Variants in TENM3 observed in about 807,000 individuals in gnomAD.
The protein encoded by TENM3 is teneurin transmembrane protein 3.
In TENM3, 63 loss-of-function variants were observed where a neutral mutation model predicts 255.1. The ratio of observed to expected loss-of-function variants is 0.25; its 90% CI spans 0.20 to 0.30. The LOEUF (loss-of-function observed/expected upper bound fraction) is 0.30. Among genes scored for constraint, TENM3 ranks in the 10% least tolerant of loss-of-function variants. The pLI is 1.00. For synonymous variants in TENM3, 1,306 were observed against 1,322.3 expected (o/e 0.99, Z 0.27); for missense variants, 2,929 against 3,461.1 (o/e 0.85, Z 3.86).
At chr4:182,120,752 A>G in the TENM3 span, among the ~76,000 whole-genome samples, 1 of 152,138 alleles carries the variant, frequency 6.6e-6, no homozygotes, top group African/African-American at 2.4e-5. Flanking sequence ...GAGCAAGTGA[A>G]TAGCCAGTGT....
chr4:181,946,362 G>A, the TENM3 span, among the ~76,000 whole-genome samples: 1 of 151,968 alleles, frequency 6.6e-6, no homozygotes. Flanking sequence ...TTACCTTTTG[G>A]CAACATGCTA....
At position 182,799,152 on chromosome 4, in the gene TENM3, G is replaced by A. The variant is rs1766709804; in HGVS notation, c.7345-444G>A. ...AGCATTTCAAAGCATACGAAGCGGG[G>A]CCCTGTGATCGGCACTAAGTATCCC... On this transcript the variant is annotated intron_variant, in intron 27 of 27. Coordinates refer to ENST00000511685, the MANE Select transcript of TENM3 (RefSeq NM_001080477.4). The surrounding 1 kb of genome is among the most constrained non-coding windows in gnomAD (Gnocchi z 4.2). Among the ~76,000 whole-genome samples the A allele has an allele frequency of 6.6e-6, 1 of 152,146 alleles. No individual in the cohort carries two copies. Among genetic ancestry groups the A allele is most frequent in the African/African-American group, 2.4e-5 (1 of 41,434 alleles).
the TENM3 span, among the ~76,000 whole-genome samples, chr4:181,464,669 A>G: frequency 6.6e-6 from 1 of 151,974 alleles, no homozygotes; most frequent in Admixed American, 6.6e-5. Flanking sequence ...TAGTCCAAGT[A>G]GCCAGGCGCA....
At chr4:182,776,619 ATAAG>A (rs766460373) in intron 24 of TENM3, among the ~76,000 whole-genome samples, 3 of 152,178 alleles carry the variant, frequency 2.0e-5, no homozygotes, top group Non-Finnish European at 2.9e-5. Context: ...GAGACAAGTT[ATAAG>A]TAAGTGTGCA....
At chr4:182,537,217 T>C (rs1740422066) in intron 3 of TENM3, among the ~76,000 whole-genome samples, 1 of 152,220 alleles carries the variant, frequency 6.6e-6, no homozygotes, top group Admixed American at 6.5e-5. Context: ...CCTGTGGAAC[T>C]CTTACATAAA....
chr4:182,730,861 A>T lies in TENM3; in HGVS notation c.2706-17A>T. 6.2e-7 allele frequency: 1 copy of T among 1,612,974 alleles called. No homozygotes were observed. Among genetic ancestry groups the T allele is most frequent in the Non-Finnish European group, 8.5e-7 (1 of 1,179,140 alleles). On this transcript the variant is annotated splice_polypyrimidine_tract_variant and intron_variant, in intron 15 of 27. Coordinates refer to ENST00000511685, the MANE Select transcript of TENM3 (RefSeq NM_001080477.4). ...GGGATCCAGACAATTCACTAAGCAT[A>T]CCTTGTTCTTTCTTAGGTTTGACTT...
rs184429085 is a variant in TENM3 at position 182,702,957 on chromosome 4, C to T, written c.2222-11130C>T. Among the ~76,000 whole-genome samples, 1,361 of 152,082 alleles carry T rather than the reference C, an allele frequency of 8.9e-3. 10 individuals carry two copies. Among genetic ancestry groups the T allele is most frequent in the Admixed American group, 0.018 (269 of 15,272 alleles). ...TTCACCATGTTAGCCAGGATGGTCT[C>T]GATCTCCTGACCTCGTGATCTGCCC... On this transcript the variant is annotated intron_variant, in intron 12 of 27. Coordinates refer to ENST00000511685, the MANE Select transcript of TENM3 (RefSeq NM_001080477.4).
the TENM3 span, among the ~76,000 whole-genome samples, chr4:181,977,312 C>A: frequency 1.3e-5 from 2 of 152,176 alleles, no homozygotes; most frequent in Non-Finnish European, 2.9e-5. Context: ...TACATTATTG[C>A]CTGTTACATA....
At chr4:181,999,347 C>T in the TENM3 span, among the ~76,000 whole-genome samples, 1 of 152,088 alleles carries the variant, frequency 6.6e-6, no homozygotes, top group Non-Finnish European at 1.5e-5. Context: ...GCAAAGAAAC[C>T]AGGACACACA....
At chr4:182,100,448 A>AATATAT in the TENM3 span, among the ~76,000 whole-genome samples, 1 of 114,696 alleles carries the variant, frequency 8.7e-6, no homozygotes, top group South Asian at 2.7e-4. Flanking sequence ...TAAAAAAAAA[A>AATATAT]ATATATATAT....
intron 3 of TENM3, among the ~76,000 whole-genome samples, chr4:182,383,692 A>G (rs1767720133): frequency 6.6e-6 from 1 of 151,968 alleles, no homozygotes. Context: ...TGTGTACCCA[A>G]TGCTTAGCTC....
chr4:181,838,384 A>G, the TENM3 span, among the ~76,000 whole-genome samples: 1 of 152,166 alleles, frequency 6.6e-6, no homozygotes, highest in African/African-American at 2.4e-5. Context: ...AAAAGAATTG[A>G]TGTGTTAATA....
chr4:182,367,448 T>C (rs1002656821), intron 3 of TENM3, among the ~76,000 whole-genome samples: 1 of 152,038 alleles, frequency 6.6e-6, no homozygotes, highest in Non-Finnish European at 1.5e-5. Flanking sequence ...GAACAATGAA[T>C]GGACTATATT....
At chr4:182,252,545 T>C (rs1758086641) in intron 1 of TENM3, among the ~76,000 whole-genome samples, 1 of 152,232 alleles carries the variant, frequency 6.6e-6, no homozygotes, top group South Asian at 2.1e-4. Flanking sequence ...AATAAGATTT[T>C]TTCCACTCAG....
the TENM3 span, among the ~76,000 whole-genome samples, chr4:181,641,554 G>GTGTGTATATATATATATA: frequency 3.7e-5 from 1 of 26,906 alleles, no homozygotes; most frequent in African/African-American, 1.6e-4. Context: ...TGGTGTGTGT[G>GTGTGTATATATATATATA]TATATATATA....
At chr4:182,050,045 T>G in the TENM3 span, among the ~76,000 whole-genome samples, 1 of 151,698 alleles carries the variant, frequency 6.6e-6, no homozygotes. Context: ...CAGGTTGGAG[T>G]GCAGTGGTAC....
chr4:182,445,903 A>C (rs966076010), intron 3 of TENM3, among the ~76,000 whole-genome samples: 9 of 152,188 alleles, frequency 5.9e-5, no homozygotes, highest in Non-Finnish European at 8.8e-5. Context: ...AATGCTAATT[A>C]TCTCTGACAT....
chr4:181,473,734 T>C, the TENM3 span, among the ~76,000 whole-genome samples: 72 of 151,744 alleles, frequency 4.7e-4, 1 homozygote, highest in East Asian at 0.011. Flanking sequence ...CATCTAGCCA[T>C]TGACAAAATT....
chr4:181,542,759 C>G, the TENM3 span, among the ~76,000 whole-genome samples: 1 of 152,140 alleles, frequency 6.6e-6, no homozygotes, highest in African/African-American at 2.4e-5. Flanking sequence ...AGGACTCCAG[C>G]CTTTGATGTC....
Sources: allele counts gnomAD v4.1 joint callset (sites outside exome capture counted in the v4.1 genomes callset), GRCh38; gene constraint gnomAD v4.1.1; non-coding constraint Gnocchi (gnomAD v3.1); transcripts MANE v1.5; gene names NCBI Gene and HGNC (gene_info 2026-07-23, HGNC 2026-07-21).